Variants in PARD3B observed in about 807,000 individuals in gnomAD.
PARD3B encodes partitioning defective 3 homolog B.
A neutral mutation model predicts 130.2 loss-of-function variants in PARD3B; 103 were observed. The ratio of observed to expected loss-of-function variants is 0.79; its 90% CI spans 0.67 to 0.93. The LOEUF (loss-of-function observed/expected upper bound fraction) is 0.93, where lower values mean the gene tolerates loss of function less well. Ranked by LOEUF, PARD3B falls within the 40% of genes least tolerant of loss-of-function variation. PARD3B has a pLI of 0.00. For synonymous variants in PARD3B, 583 were observed against 553.2 expected, an observed-to-expected ratio of 1.05 and a Z score of -0.76; for missense variants, 1,609 against 1,499.2, an observed-to-expected ratio of 1.07 and a Z score of -1.21.
At chr2:205,048,687 T>C (rs946208209) in intron 4 of PARD3B, 3 of 152,216 alleles carry the variant, frequency 2.0e-5, no homozygotes, top group African/African-American at 7.2e-5. Flanking sequence ...AATATTCTTA[T>C]CAAGAACCAA....
intron 22 of PARD3B, among the ~76,000 whole-genome samples, chr2:205,560,733 A>G (rs1336175452): frequency 6.6e-6 from 1 of 152,154 alleles, no homozygotes; most frequent in Non-Finnish European, 1.5e-5. Context: ...TTGGGAGAAA[A>G]AAAGGTCTCT....
intron 3 of PARD3B, among the ~76,000 whole-genome samples, chr2:204,971,129 A>G (rs912124762): frequency 5.3e-5 from 8 of 152,234 alleles, no homozygotes; most frequent in African/African-American, 1.9e-4. Context: ...AATTTACTGC[A>G]TAAAGGAAAC....
At chr2:204,616,119 A>G (rs969680379) in intron 1 of PARD3B, among the ~76,000 whole-genome samples, 1 of 152,174 alleles carries the variant, frequency 6.6e-6, no homozygotes, top group Non-Finnish European at 1.5e-5. Context: ...ATAATTGATT[A>G]CCTGGATTTT....
Position 205,352,891 on chromosome 2 carries a change from C to A in PARD3B, c.2631-48122C>A, listed in dbSNP as rs2044045086. Reference sequence around the variant, plus strand: ...CCCTATTATATTAGGAAAGAATAACCCCCCACCAGTGGCCACATCATATGG... The same window carrying A: ...CCCTATTATATTAGGAAAGAATAACACCCCACCAGTGGCCACATCATATGG... On this transcript the variant is annotated intron_variant, in intron 18 of 22. Transcript: ENST00000406610. This position sits in a 1 kb window ranked among gnomAD's most constrained non-coding sequence, Gnocchi z 5.2. Among the ~76,000 whole-genome samples, 1 of 152,090 alleles carries A rather than the reference C, an allele frequency of 6.6e-6. No individual in the cohort carries two copies. The highest frequency in any genetic ancestry group is 6.6e-5 in the Admixed American group (1 of 15,266).
At chr2:205,076,993 C>G (rs1701108268) in intron 4 of PARD3B, among the ~76,000 whole-genome samples, 1 of 152,128 alleles carries the variant, frequency 6.6e-6, no homozygotes, top group Non-Finnish European at 1.5e-5. Flanking sequence ...CACTAACATC[C>G]CATAGAAGAC....
In PARD3B at chr2:205,397,425, GT is replaced by G. The variant is rs550891149; in HGVS notation, c.2631-3580del. On this transcript the variant is annotated intron_variant, in intron 18 of 22. Transcript: ENST00000406610. The surrounding 1 kb of genome is among the most constrained non-coding windows in gnomAD (Gnocchi z 4.8). ...TGCAGAATTTACTTTCAACTAACAT[GT>G]TTTTTTTCTTACCAAACATATTCCA... Among the ~76,000 whole-genome samples the G allele has an allele frequency of 5.7e-3, 864 of 151,982 alleles. 4 individuals carry two copies. The highest frequency in any genetic ancestry group is 0.019 in the African/African-American group (790 of 41,460).
chr2:204,644,425 G>T (rs903823910), intron 1 of PARD3B, among the ~76,000 whole-genome samples: 12 of 152,064 alleles, frequency 7.9e-5, no homozygotes, highest in Non-Finnish European at 1.2e-4. Flanking sequence ...TTGCTTTCAT[G>T]TGTGGTCTTG....
Position 205,438,078 on chromosome 2 carries a change from A to C in PARD3B, c.2742-2292A>C, listed in dbSNP as rs563540491. ...TGGAGGGACCCTGATATATGACATA[A>C]TAATGATTGTTCAGAGAAATTACTA... On this transcript the variant is annotated intron_variant, in intron 19 of 22. Coordinates refer to ENST00000406610, the MANE Select transcript of PARD3B (RefSeq NM_001302769.2). Among the ~76,000 whole-genome samples, 17 of 152,288 alleles carry C rather than the reference A, an allele frequency of 1.1e-4. No homozygotes were observed. The South Asian group carries it at 3.3e-3, about 30-fold the overall frequency.
chr2:205,151,841 G>C (rs2033779346), intron 10 of PARD3B, among the ~76,000 whole-genome samples: 1 of 152,204 alleles, frequency 6.6e-6, no homozygotes, highest in Non-Finnish European at 1.5e-5. Context: ...AGTTGATGCA[G>C]TTTCTTCCTA....
chr2:204,615,951 C>T (rs1466420066), intron 1 of PARD3B, among the ~76,000 whole-genome samples: 1 of 152,084 alleles, frequency 6.6e-6, no homozygotes, highest in Non-Finnish European at 1.5e-5. Context: ...TTGAAGTCAG[C>T]TTTTTAAACT....
At chr2:205,208,755 G>A (rs937137728) in intron 15 of PARD3B, among the ~76,000 whole-genome samples, 6 of 145,308 alleles carry the variant, frequency 4.1e-5, no homozygotes, top group Non-Finnish European at 6.0e-5. Context: ...CCATGCTCAT[G>A]GGTAGGAACA....
At chr2:205,595,651 TCAAA>T (rs1400095790) in intron 22 of PARD3B, among the ~76,000 whole-genome samples, 1 of 152,162 alleles carries the variant, frequency 6.6e-6, no homozygotes, top group Non-Finnish European at 1.5e-5. Context: ...AAAGCAGCAC[TCAAA>T]CAAATAGAAG....
intron 18 of PARD3B, among the ~76,000 whole-genome samples, chr2:205,335,529 T>C (rs753004099): frequency 6.6e-6 from 1 of 152,160 alleles, no homozygotes; most frequent in Non-Finnish European, 1.5e-5. Flanking sequence ...GCAAGAGATA[T>C]ATGTTTTAAA....
At chr2:204,782,356 TATATA>T (rs1395789213) in intron 2 of PARD3B, among the ~76,000 whole-genome samples, 3 of 139,288 alleles carry the variant, frequency 2.2e-5, no homozygotes, top group Non-Finnish European at 3.1e-5. Context: ...TTGTATATGT[TATATA>T]ATATATACCA....
At position 204,675,453 on chromosome 2, in the gene PARD3B, G is replaced by A. The variant is rs1332700902; in HGVS notation, c.121-10728G>A. Among the ~76,000 whole-genome samples the A allele has an allele frequency of 1.3e-5, 2 of 151,774 alleles. No individual in the cohort carries two copies. The highest frequency in any genetic ancestry group is 4.8e-5 in the African/African-American group (2 of 41,296). On this transcript the variant is annotated intron_variant, in intron 1 of 22. Coordinates refer to ENST00000406610, the MANE Select transcript of PARD3B (RefSeq NM_001302769.2). This position sits in a 1 kb window ranked among gnomAD's most constrained non-coding sequence, Gnocchi z 4.4. ...TATACTTTCATGCATTTAAGAGTGA[G>A]CCTTTAACTCACTCCTAGAGCTGTA...
chr2:205,573,143 C>T (rs990937322), intron 22 of PARD3B, among the ~76,000 whole-genome samples: 1 of 152,152 alleles, frequency 6.6e-6, no homozygotes, highest in Non-Finnish European at 1.5e-5. Flanking sequence ...GACTACCTCC[C>T]ACCGGTTCCC....
rs926550463 is a variant in PARD3B, at chr2:205,309,906, A to G, written c.2630+8205A>G. Among the ~76,000 whole-genome samples the G allele has an allele frequency of 1.1e-4, 3 of 28,338 alleles. No homozygotes were observed. Among genetic ancestry groups the G allele is most frequent in the African/African-American group, 1.7e-4 (3 of 17,328 alleles). The allele number at this position is 28,338 out of a possible 152,430, so 18.6% of individuals were successfully genotyped here. A position where few individuals can be genotyped will look rare whatever the true frequency, so the allele number is the denominator to read the frequency against. ...TTACTTCTTATCCATCTATCTATCTATCTATCTATCTATCTATCTATCATC... is the reference window on the plus strand; with the variant it reads ...TTACTTCTTATCCATCTATCTATCTGTCTATCTATCTATCTATCTATCATC... On this transcript the variant is annotated intron_variant, in intron 18 of 22. Transcript: ENST00000406610. This position sits in a 1 kb window ranked among gnomAD's most constrained non-coding sequence, Gnocchi z 4.7.
chr2:204,680,944 TATA>T lies in PARD3B; in HGVS notation c.121-5233_121-5231del, dbSNP rs560367433. On this transcript the variant is annotated intron_variant, in intron 1 of 22. Transcript: ENST00000406610. ...CACTATTTGTGTGTGTGTGTGCAAATATAATACAAATAAGTTAGGCTACATTTG... is the reference window on the plus strand; with the variant it reads ...CACTATTTGTGTGTGTGTGTGCAAATATACAAATAAGTTAGGCTACATTTG... Among the ~76,000 whole-genome samples, 26 of 152,288 alleles carry T rather than the reference TATA, an allele frequency of 1.7e-4. No homozygotes were observed. In the East Asian group the frequency reaches 4.0e-3, roughly 24 times the overall value.
intron 18 of PARD3B, among the ~76,000 whole-genome samples, chr2:205,322,497 CAAAAA>C (rs2042784517): frequency 6.6e-6 from 1 of 152,130 alleles, no homozygotes; most frequent in Admixed American, 6.5e-5. Flanking sequence ...CCAGCTCTTA[CAAAAA>C]ACAAAGCAGT....
Sources: gnomAD v4.1 joint callset for allele counts (sites outside exome capture counted in the v4.1 genomes callset) on GRCh38, gnomAD v4.1.1 for gene constraint, Gnocchi (gnomAD v3.1) non-coding constraint, MANE v1.5 for transcripts, NCBI Gene and HGNC (gene_info 2026-07-23, HGNC 2026-07-21) for gene names.